The following SNTG1 variants were observed in gnomAD, a reference collection of about 807,000 sequenced individuals.
SNTG1 encodes gamma-1-syntrophin.
A neutral mutation model predicts 74.7 loss-of-function variants in SNTG1; 39 were observed. The ratio of observed to expected loss-of-function variants is 0.52; its 90% confidence interval spans 0.40 to 0.68. SNTG1 has a LOEUF of 0.68. SNTG1 is among the 30% of genes least tolerant of loss of function. The probability of loss-of-function intolerance (pLI) is 0.00; values close to 1 mark genes in which losing one functional copy is unlikely to be tolerated. For synonymous variants in SNTG1, 254 were observed against 217.1 expected (o/e 1.17, Z -1.49); for missense variants, 685 against 609.5 (o/e 1.12, Z -1.30).
intron 1 of SNTG1, among the ~76,000 whole-genome samples, chr8:49,918,699 A>C (rs1434910217): frequency 6.6e-6 from 1 of 152,210 alleles, no homozygotes; most frequent in East Asian, 1.9e-4. Context: ...CTTTGGTTTG[A>C]TATATGGCAA....
chr8:50,711,798 C>G (rs1456237664), intron 17 of SNTG1, among the ~76,000 whole-genome samples: 1 of 152,104 alleles, frequency 6.6e-6, no homozygotes. Flanking sequence ...CTTCAGTTCC[C>G]TTACTGTTGC....
chr8:50,240,357 G>A (rs1246038356), intron 2 of SNTG1, among the ~76,000 whole-genome samples: 1 of 152,228 alleles, frequency 6.6e-6, no homozygotes, highest in Non-Finnish European at 1.5e-5. Context: ...CTCAATACCA[G>A]AATTCATAAT....
chr8:50,055,778 C>T (rs1227836765), intron 1 of SNTG1, among the ~76,000 whole-genome samples: 1 of 151,990 alleles, frequency 6.6e-6, no homozygotes. Context: ...CTTTTTTTCT[C>T]TCATTAGAAA....
intron 1 of SNTG1, among the ~76,000 whole-genome samples, chr8:50,062,338 C>A (rs1307384943): frequency 1.3e-5 from 2 of 152,016 alleles, no homozygotes; most frequent in Non-Finnish European, 2.9e-5. Context: ...TGAGCCATGG[C>A]GCCAGACCAG....
intron 16 of SNTG1, chr8:50,707,952 C>T (rs910799076): frequency 5.2e-6 from 2 of 388,158 alleles, no homozygotes; most frequent in Admixed American, 4.5e-5. Flanking sequence ...CCTGTAATCC[C>T]AGCACTTTGG....
chr8:50,119,369 A>T (rs2080924505), intron 1 of SNTG1, among the ~76,000 whole-genome samples: 1 of 140,648 alleles, frequency 7.1e-6, no homozygotes, highest in African/African-American at 2.6e-5. Context: ...TTCAGAGGCA[A>T]CTTGTGCTCA....
At chr8:50,779,213 A>C (rs571230275) in intron 18 of SNTG1, among the ~76,000 whole-genome samples, 3 of 152,272 alleles carry the variant, frequency 2.0e-5, no homozygotes, top group South Asian at 4.1e-4. Flanking sequence ...TATGAACTTT[A>C]AAGTAGTTTT....
chr8:50,710,967 G>T lies in SNTG1; in HGVS notation c.1284+1989G>T, dbSNP rs143615464. On this transcript the variant is annotated intron_variant, in intron 17 of 18. Coordinates refer to ENST00000642720, the MANE Select transcript of SNTG1 (RefSeq NM_018967.5). ...TCTCAGAATTGGGAAAGGCTAAAAG[G>T]AATCTACACATTAATCAAGAAGGTT... Among the ~76,000 whole-genome samples, 31 of 149,728 alleles carry T rather than the reference G, an allele frequency of 2.1e-4. 1 individual carries two copies. The highest frequency in any genetic ancestry group is 6.9e-4 in the African/African-American group (28 of 40,682).
intron 2 of SNTG1, among the ~76,000 whole-genome samples, chr8:50,236,111 G>T (rs1294172156): frequency 1.3e-5 from 2 of 151,940 alleles, no homozygotes; most frequent in Non-Finnish European, 1.5e-5. Flanking sequence ...ACTTTAAGAT[G>T]GTACAATTTT....
At chr8:50,029,532 A>G (rs1817565546) in intron 1 of SNTG1, among the ~76,000 whole-genome samples, 1 of 151,890 alleles carries the variant, frequency 6.6e-6, no homozygotes, top group Non-Finnish European at 1.5e-5. Context: ...GGTAACCATC[A>G]TTCTATTCTT....
chr8:50,255,642 C>A (rs1453677693), intron 2 of SNTG1, among the ~76,000 whole-genome samples: 1 of 152,134 alleles, frequency 6.6e-6, no homozygotes, highest in Non-Finnish European at 1.5e-5. Flanking sequence ...TCTCTGTATT[C>A]ATCTTTACAT....
chr8:49,929,719 A>T (rs1206919356), intron 1 of SNTG1, among the ~76,000 whole-genome samples: 3 of 150,806 alleles, frequency 2.0e-5, no homozygotes, highest in Non-Finnish European at 2.9e-5. Context: ...ATTTTTTTTT[A>T]ATTTTTTTTA....
chr8:50,299,266 T>A (rs1002626890), intron 2 of SNTG1, among the ~76,000 whole-genome samples: 10 of 152,250 alleles, frequency 6.6e-5, no homozygotes, highest in African/African-American at 2.2e-4. Flanking sequence ...CATAGCTCAC[T>A]GCAGCCTTGA....
chr8:49,941,261 T>C (rs920391142), intron 1 of SNTG1, among the ~76,000 whole-genome samples: 2 of 152,008 alleles, frequency 1.3e-5, no homozygotes. Context: ...AGACTTAACA[T>C]TGCTGAAGAG....
intron 2 of SNTG1, among the ~76,000 whole-genome samples, chr8:50,310,160 T>G (rs1337914102): frequency 6.6e-6 from 1 of 152,210 alleles, no homozygotes; most frequent in African/African-American, 2.4e-5. Context: ...GGAGTTTACC[T>G]ACTCGAACCA....
chr8:49,966,796 G>T (rs938213150), intron 1 of SNTG1, among the ~76,000 whole-genome samples: 1 of 152,076 alleles, frequency 6.6e-6, no homozygotes, highest in Non-Finnish European at 1.5e-5. Flanking sequence ...CCAAGAATGG[G>T]TATGATGACG....
chr8:50,158,499 C>T (rs1345311307), intron 1 of SNTG1, among the ~76,000 whole-genome samples: 2 of 152,114 alleles, frequency 1.3e-5, no homozygotes, highest in Non-Finnish European at 2.9e-5. Context: ...TTTAGAATAA[C>T]AGGGTAATAG....
intron 13 of SNTG1, among the ~76,000 whole-genome samples, chr8:50,651,358 A>T (rs563309431): frequency 6.6e-6 from 1 of 152,260 alleles, no homozygotes; most frequent in East Asian, 1.9e-4. Flanking sequence ...ATGCATATAT[A>T]TAAGATATAA....
rs1380794 is a variant in SNTG1 at position 50,176,265 on chromosome 8, T to C, written c.-28+3630T>C. On this transcript the variant is annotated intron_variant, in intron 2 of 18. Transcript: ENST00000642720. ...ACAGGACGCAACTTCTATTGCCCCA[T>C]GTGCCACCAGAATCATTGTTCAAGC... 6.3e-3 allele frequency among the ~76,000 whole-genome samples: 960 copies of C among 152,268 alleles called. 31 individuals are homozygous for C. The highest frequency in any genetic ancestry group is 0.056 in the Admixed American group (855 of 15,288).
Sources: gnomAD v4.1 joint callset for allele counts (sites outside exome capture counted in the v4.1 genomes callset) on GRCh38, gnomAD v4.1.1 for gene constraint, MANE v1.5 for transcripts, NCBI Gene and HGNC (gene_info 2026-07-23, HGNC 2026-07-21) for gene names.